CDH18: variants seen among roughly 807,000 people sequenced by gnomAD.
CDH18 encodes the protein cadherin-18.
Under a neutral mutation model 67.9 loss-of-function variants are expected in CDH18, and 31 were observed. The observed-to-expected ratio is 0.46, with a 90% CI of 0.34 to 0.62. CDH18 has a LOEUF of 0.62. Ranked by LOEUF, CDH18 falls within the 20% of genes least tolerant of loss-of-function variation. The pLI is 0.01. For synonymous variants in CDH18, 362 were observed against 347.2 expected (o/e 1.04, Z -0.48); for missense variants, 890 against 975.5 (o/e 0.91, Z 1.17).
chr5:19,840,302 C>A lies in CDH18; in HGVS notation c.-256-1060G>T, dbSNP rs948988992. 8.5e-4 allele frequency among the ~76,000 whole-genome samples: 93 copies of A among 109,832 alleles called. 1 individual carries two copies. The highest frequency in any genetic ancestry group is 7.9e-4 in the Non-Finnish European group (39 of 49,406). The allele number at this position is 109,832 out of a possible 152,430, so 72.1% of individuals were successfully genotyped here. A position where few individuals can be genotyped will look rare whatever the true frequency, so the allele number is the denominator to read the frequency against. ...AAAAAAAAAAAGAAAAAAAAAAAAA[C>A]AACACGTTGAAGACATGAGTGTAGG... On this transcript the variant is annotated intron_variant, in intron 2 of 12. Transcript: ENST00000382275.
intron 2 of CDH18, among the ~76,000 whole-genome samples, chr5:20,125,293 T>TGG (rs1231137915): frequency 6.6e-6 from 1 of 151,502 alleles, no homozygotes; most frequent in Admixed American, 6.6e-5. Flanking sequence ...TTCGTGTGTG[T>TGG]GTGTGTGTAT....
intron 2 of CDH18, among the ~76,000 whole-genome samples, chr5:20,122,284 AAC>A (rs1325022904): frequency 6.6e-6 from 1 of 152,156 alleles, no homozygotes; most frequent in African/African-American, 2.4e-5. Context: ...TTGAAAATTT[AAC>A]ACATCGCTTT....
intron 2 of CDH18, among the ~76,000 whole-genome samples, chr5:20,148,017 T>C (rs1661198668): frequency 6.6e-6 from 1 of 152,098 alleles, no homozygotes; most frequent in Non-Finnish European, 1.5e-5. Context: ...TGTTTAAATA[T>C]ATACTTTTTT....
intron 2 of CDH18, among the ~76,000 whole-genome samples, chr5:19,980,375 C>A (rs1237138928): frequency 6.6e-6 from 1 of 151,824 alleles, no homozygotes; most frequent in Non-Finnish European, 1.5e-5. Context: ...AAAAAGTAAG[C>A]AACCATAAAA....
At chr5:20,395,922 G>C (rs1005429274) in intron 1 of CDH18, among the ~76,000 whole-genome samples, 4 of 152,154 alleles carry the variant, frequency 2.6e-5, no homozygotes, top group Non-Finnish European at 5.9e-5. Context: ...GGCAAGCTTA[G>C]AGAGGGCATG....
intron 2 of CDH18, among the ~76,000 whole-genome samples, chr5:20,238,739 G>T (rs1742661594): frequency 6.6e-6 from 1 of 152,136 alleles, no homozygotes; most frequent in African/African-American, 2.4e-5. Flanking sequence ...TGAATGTTTA[G>T]AGTTGCTCTA....
intron 2 of CDH18, among the ~76,000 whole-genome samples, chr5:20,236,397 C>A (rs1487915625): frequency 6.6e-6 from 1 of 151,546 alleles, no homozygotes; most frequent in Non-Finnish European, 1.5e-5. Flanking sequence ...GAATCCTATA[C>A]CCAGAAATAT....
chr5:19,547,883 G>C (rs1431054568), intron 8 of CDH18, among the ~76,000 whole-genome samples: 2 of 151,984 alleles, frequency 1.3e-5, no homozygotes, highest in African/African-American at 4.8e-5. Flanking sequence ...AACCACTTTT[G>C]GCTTTCTGCC....
At chr5:20,413,830 G>A (rs1432504411) in intron 1 of CDH18, among the ~76,000 whole-genome samples, 1 of 152,128 alleles carries the variant, frequency 6.6e-6, no homozygotes, top group African/African-American at 2.4e-5. Flanking sequence ...GATTCCATTT[G>A]TCTATTTTGG....
rs1476614897 is a variant in CDH18 at position 20,454,381 on chromosome 5, T to A, written c.-580+121081A>T. On this transcript the variant is annotated intron_variant, in intron 1 of 14. Transcript: ENST00000507958. ...AAGGAAGAAATTTATGTAATAAAGA[T>A]TACAAAAATAAGTATTCTATAGATA... 4.6e-5 allele frequency among the ~76,000 whole-genome samples: 7 copies of A among 152,176 alleles called. No individual in the cohort carries two copies. In the South Asian group the frequency reaches 1.4e-3, roughly 32 times the overall value.
At chr5:20,155,709 C>A (rs2126589056) in intron 2 of CDH18, among the ~76,000 whole-genome samples, 1 of 152,158 alleles carries the variant, frequency 6.6e-6, no homozygotes, top group Non-Finnish European at 1.5e-5. Context: ...AGCTTCAGAT[C>A]TTACATTTAA....
At chr5:19,609,435 C>T (rs994892367) in intron 6 of CDH18, among the ~76,000 whole-genome samples, 1 of 151,920 alleles carries the variant, frequency 6.6e-6, no homozygotes, top group South Asian at 2.1e-4. Flanking sequence ...TACTGACAAG[C>T]AGCCTGTTTC....
At chr5:19,690,968 T>C (rs1294998032) in intron 5 of CDH18, among the ~76,000 whole-genome samples, 2 of 151,526 alleles carry the variant, frequency 1.3e-5, no homozygotes, top group South Asian at 2.1e-4. Context: ...AATGACACAA[T>C]AACAACAAAA....
intron 1 of CDH18, among the ~76,000 whole-genome samples, chr5:20,430,203 T>G (rs1748626760): frequency 6.6e-6 from 1 of 152,170 alleles, no homozygotes; most frequent in South Asian, 2.1e-4. Context: ...TTTAAAATTA[T>G]TAACAGCGTA....
At chr5:19,928,207 A>T (rs528989071) in intron 2 of CDH18, among the ~76,000 whole-genome samples, 79 of 152,280 alleles carry the variant, frequency 5.2e-4, no homozygotes, top group African/African-American at 1.8e-3. Context: ...ACCAAATTAA[A>T]TTGTGCCAAA....
intron 8 of CDH18, among the ~76,000 whole-genome samples, chr5:19,549,971 T>G (rs1256965098): frequency 6.6e-6 from 1 of 151,966 alleles, no homozygotes; most frequent in Non-Finnish European, 1.5e-5. Flanking sequence ...TAAATAGAGA[T>G]ATGTGCACCA....
chr5:19,940,026 C>A (rs1398387673), intron 2 of CDH18, among the ~76,000 whole-genome samples: 1 of 151,720 alleles, frequency 6.6e-6, no homozygotes, highest in Non-Finnish European at 1.5e-5. Context: ...GCAAGAAAAG[C>A]TGAATGTTTT....
intron 2 of CDH18, among the ~76,000 whole-genome samples, chr5:20,070,375 A>C (rs1453176856): frequency 6.6e-6 from 1 of 151,970 alleles, no homozygotes; most frequent in Non-Finnish European, 1.5e-5. Flanking sequence ...TGGTAAGATT[A>C]TTGTCTGCTT....
At chr5:19,546,281 T>G (rs868600098) in intron 8 of CDH18, among the ~76,000 whole-genome samples, 1 of 152,222 alleles carries the variant, frequency 6.6e-6, no homozygotes, top group Non-Finnish European at 1.5e-5. Flanking sequence ...GACAATTGAT[T>G]GATATCTTTT....
Sources: gnomAD v4.1 joint callset for allele counts (sites outside exome capture counted in the v4.1 genomes callset) on GRCh38, gnomAD v4.1.1 for gene constraint, MANE v1.5 for transcripts, NCBI Gene and HGNC (gene_info 2026-07-23, HGNC 2026-07-21) for gene names.